The following HELZ variants were observed in gnomAD, a reference collection of about 807,000 sequenced individuals.
HELZ encodes the protein ATP-dependent RNA helicase with zinc finger domain.
Under a neutral mutation model 218.2 loss-of-function variants are expected in HELZ, and 23 were observed. That is an observed-to-expected ratio of 0.11 (90% CI 0.08 to 0.15). The LOEUF is 0.15. HELZ is among the 10% of genes least tolerant of loss of function. HELZ has a pLI of 1.00. For synonymous variants in HELZ, 814 were observed against 829.4 expected, an observed-to-expected ratio of 0.98 and a Z score of 0.32; for missense variants, 1,813 against 2,353.7, an observed-to-expected ratio of 0.77 and a Z score of 4.75.
intron 32 of HELZ, among the ~76,000 whole-genome samples, chr17:67,080,328 T>C (rs2036150774): frequency 6.6e-6 from 1 of 152,206 alleles, no homozygotes; most frequent in South Asian, 2.1e-4. Flanking sequence ...CGTGTTTCTA[T>C]TTCTGTATCA....
chr17:67,151,329 G>C, intron 17 of HELZ, 105 bp from the exon 18 acceptor site: 2 of 914,834 alleles, frequency 2.2e-6, no homozygotes, highest in Middle Eastern at 3.0e-4. Flanking sequence ...TATCTGAAAA[G>C]TTACAAATGA....
intron 5 of HELZ, among the ~76,000 whole-genome samples, chr17:67,207,111 C>T (rs1457740391): frequency 6.6e-6 from 1 of 150,876 alleles, no homozygotes; most frequent in East Asian, 1.9e-4. Context: ...GGCGGTTCTC[C>T]ATGTTGGTCA....
At chr17:67,179,755 A>T (rs2039556514) in intron 12 of HELZ, 1 of 152,202 alleles carries the variant, frequency 6.6e-6, no homozygotes, top group Admixed American at 6.5e-5. Flanking sequence ...AAAGAAAAAA[A>T]AAATGTAACC....
rs138671789 is a variant in HELZ, at chr17:67,203,520, A to G, written c.248-77T>C. 4 of 1,526,272 alleles carry G rather than the reference A, an allele frequency of 2.6e-6. No homozygotes were observed. The African/African-American group carries it at 5.5e-5, about 21-fold the overall frequency. The allele number at this position is 1,526,272 out of a possible 1,614,324, so 94.5% of individuals were successfully genotyped here. A position where few individuals can be genotyped will look rare whatever the true frequency, so the allele number is the denominator to read the frequency against. On this transcript the variant is annotated intron_variant, in intron 5 of 32. Transcript: ENST00000358691. ...TTCTTGATTATAGTATTAACACACT[A>G]TCACAAGCGTGGCTTTTTATATGCT...
chr17:67,072,284 C>T lies in HELZ; in HGVS notation c.*5968G>A, dbSNP rs1412944302. The T allele has an allele frequency of 7.9e-5, 12 of 152,478 alleles. No individual in the cohort carries two copies. In the South Asian group the frequency reaches 8.3e-4, roughly 11 times the overall value. 9.4% of individuals were successfully genotyped at this position (152,478 alleles called of 1,614,324 possible). On this transcript the variant is annotated 3_prime_UTR_variant, in exon 33 of 33. Coordinates refer to ENST00000358691, the MANE Select transcript of HELZ (RefSeq NM_014877.4). ...CCGGGAGGCGGAGGTTGCAGTGAGC[C>T]GAGATCATGCCACTGTACTCCAGCC...
chr17:67,220,045 C>G (rs1211656339), intron 3 of HELZ, among the ~76,000 whole-genome samples: 1 of 152,212 alleles, frequency 6.6e-6, no homozygotes, highest in Non-Finnish European at 1.5e-5. Context: ...CCTTCTCTCT[C>G]TCCTGCTCCT....
chr17:67,124,049 G>C (rs1270979977), intron 24 of HELZ, 35 bp from the exon 25 acceptor site: 2 of 1,358,828 alleles, frequency 1.5e-6, no homozygotes, highest in African/African-American at 1.4e-5. Context: ...AATAATTTAA[G>C]CATGTTTAGT....
intron 31 of HELZ, among the ~76,000 whole-genome samples, chr17:67,103,918 T>A (rs1176942466): frequency 1.3e-5 from 2 of 152,158 alleles, no homozygotes; most frequent in African/African-American, 4.8e-5. Flanking sequence ...TGAAATACAA[T>A]GGAGAATCCA....
In HELZ at chr17:67,188,720, C is replaced by A; in HGVS notation, c.865-104G>T. On this transcript the variant is annotated intron_variant, in intron 11 of 32. Transcript: ENST00000358691. The surrounding 1 kb of genome is among the most constrained non-coding windows in gnomAD (Gnocchi z 4.1). ...TTTCCATAAGGGACTTTTACTTCCCCAAGCTTCTAAGATACTATAGCCATT... is the reference window on the plus strand; with the variant it reads ...TTTCCATAAGGGACTTTTACTTCCCAAAGCTTCTAAGATACTATAGCCATT... 1.1e-6 allele frequency: 1 copy of A among 882,972 alleles called. No homozygotes were observed. The highest frequency in any genetic ancestry group is 2.5e-5 in the East Asian group (1 of 39,434). 54.7% of individuals were successfully genotyped at this position (882,972 alleles called of 1,614,324 possible). A position where few individuals can be genotyped will look rare whatever the true frequency, so the allele number is the denominator to read the frequency against.
chr17:67,227,879 T>C (rs932346992), intron 3 of HELZ, among the ~76,000 whole-genome samples: 4 of 152,248 alleles, frequency 2.6e-5, no homozygotes, highest in Admixed American at 6.5e-5. Context: ...AATGTAGTTA[T>C]GGTCTTCTTT....
intron 3 of HELZ, among the ~76,000 whole-genome samples, chr17:67,221,594 C>T (rs2040746011): frequency 6.6e-6 from 1 of 152,220 alleles, no homozygotes; most frequent in Non-Finnish European, 1.5e-5. Context: ...CACCACTCTC[C>T]AGCTGCATAG....
chr17:67,195,646 T>C (rs1023975200), intron 7 of HELZ, among the ~76,000 whole-genome samples, 176 bp from the exon 8 acceptor site: 1 of 152,124 alleles, frequency 6.6e-6, no homozygotes, highest in Non-Finnish European at 1.5e-5. Context: ...TAATTAAATA[T>C]GGAAAACATA....
intron 13 of HELZ, 128 bp downstream of exon 13, chr17:67,178,531 T>G (rs2039520495): frequency 1.4e-6 from 1 of 737,932 alleles, no homozygotes; most frequent in Non-Finnish European, 2.2e-6. Flanking sequence ...CCTTTAAAGA[T>G]AGAATACAGT....
chr17:67,222,534 T>A (rs1478672520), intron 3 of HELZ, among the ~76,000 whole-genome samples: 1 of 152,132 alleles, frequency 6.6e-6, no homozygotes, highest in Non-Finnish European at 1.5e-5. Flanking sequence ...CTACCCCAAT[T>A]ACCTTTGTTA....
intron 9 of HELZ, among the ~76,000 whole-genome samples, chr17:67,191,763 CT>C (rs71139120): frequency 0.023 from 2,992 of 132,440 alleles, 74 homozygotes; most frequent in African/African-American, 0.061. Flanking sequence ...TGATCATTAA[CT>C]TTTTTTTTTT....
intron 4 of HELZ, among the ~76,000 whole-genome samples, chr17:67,217,490 T>C (rs1030010157): frequency 6.6e-6 from 1 of 152,152 alleles, no homozygotes; most frequent in African/African-American, 2.4e-5. Flanking sequence ...AGTCAAACAA[T>C]TTCTGTTAAA....
chr17:67,089,664 T>TAGAG (rs1451569948), intron 31 of HELZ, among the ~76,000 whole-genome samples: 13 of 45,466 alleles, frequency 2.9e-4, no homozygotes, highest in African/African-American at 9.4e-4. Flanking sequence ...TATATATATA[T>TAGAG]ATATAGAGAG....
At chr17:67,244,026 T>G (rs1193993255) in intron 1 of HELZ, 187 bp from the exon 2 acceptor site, 16 of 976,560 alleles carry the variant, frequency 1.6e-5, no homozygotes, top group Non-Finnish European at 1.9e-5. Context: ...TTCAGTAAGG[T>G]AAAAGAATAG....
At chr17:67,157,611 C>T (rs980732290) in intron 17 of HELZ, among the ~76,000 whole-genome samples, 2 of 151,998 alleles carry the variant, frequency 1.3e-5, no homozygotes, top group African/African-American at 4.8e-5. Context: ...ATAAGTAATA[C>T]CAATTAAGGA....
Sources: allele counts gnomAD v4.1 joint callset (sites outside exome capture counted in the v4.1 genomes callset), GRCh38; gene constraint gnomAD v4.1.1; non-coding constraint Gnocchi (gnomAD v3.1); transcripts MANE v1.5; gene names NCBI Gene and HGNC (gene_info 2026-07-23, HGNC 2026-07-21).